DNAH8: variants seen among roughly 807,000 people sequenced by gnomAD.
The protein encoded by DNAH8 is axonemal beta dynein heavy chain 8.
A neutral mutation model predicts 562.1 loss-of-function variants in DNAH8; 382 were observed. The ratio of observed to expected loss-of-function variants is 0.68; its 90% CI spans 0.63 to 0.74. The LOEUF (loss-of-function observed/expected upper bound fraction) is 0.74, where lower values mean the gene tolerates loss of function less well. DNAH8 is among the 30% of genes least tolerant of loss of function. The pLI is 0.00. For synonymous variants in DNAH8, 1,881 were observed against 1,919.4 expected (o/e 0.98, Z 0.52); for missense variants, 5,203 against 5,620.4 (o/e 0.93, Z 2.37).
rs180917255 is a variant in DNAH8 at position 38,886,544 on chromosome 6, T to C, written c.8260-247T>C. Among the ~76,000 whole-genome samples the C allele has an allele frequency of 1.6e-4, 25 of 152,332 alleles. No homozygotes were observed. The East Asian group carries it at 4.6e-3, about 28-fold the overall frequency. On this transcript the variant is annotated intron_variant, in intron 56 of 92. Coordinates refer to ENST00000327475, the MANE Select transcript of DNAH8 (RefSeq NM_001206927.2). ...CTTATAACTCACATATCTAAATTTA[T>C]TTGGAAATTAGTTTGATCAATGTGG...
In DNAH8 at chr6:38,770,518, A is replaced by G. The variant is rs1263958608; in HGVS notation, c.1723A>G (p.Ile575Val). The change falls in exon 12 of 93, where the codon ATA becomes GTA. Residue 575 changes from isoleucine to valine, a missense_variant. Transcript: ENST00000327475. ...ATCTTTTGAGGTTTCAGAAATGTATATATTTGGAAAATTTGAAGCTTTTTG... is the reference window on the plus strand; with the variant it reads ...ATCTTTTGAGGTTTCAGAAATGTATGTATTTGGAAAATTTGAAGCTTTTTG... The part of the protein sequence containing the change: ...EKSFEVSEMY[I>V]FGKFEAFCKR... 2 of 1,604,270 alleles carry G rather than the reference A, an allele frequency of 1.2e-6. No homozygotes were observed. Among genetic ancestry groups the G allele is most frequent in the South Asian group, 1.1e-5 (1 of 88,544 alleles).
intron 21 of DNAH8, among the ~76,000 whole-genome samples, chr6:38,797,654 A>G (rs1426745860): frequency 1.3e-5 from 2 of 152,182 alleles, no homozygotes; most frequent in African/African-American, 4.8e-5. Context: ...GCAAAGTCAT[A>G]AAGTAGATGA....
chr6:38,985,481 CT>C (rs1468531111), intron 87 of DNAH8, among the ~76,000 whole-genome samples: 1 of 152,088 alleles, frequency 6.6e-6, no homozygotes, highest in South Asian at 2.1e-4. Flanking sequence ...GATTTTTAAC[CT>C]TTACTTGTTT....
Position 38,895,985 on chromosome 6 carries a change from A to C in DNAH8, c.8748-48A>C, listed in dbSNP as rs143420059. ...AGGCGAAGGGACATGTTCAGTTAGAAAAGATGCTTTCATATTTAACATTCT... is the reference window on the plus strand; with the variant it reads ...AGGCGAAGGGACATGTTCAGTTAGACAAGATGCTTTCATATTTAACATTCT... On this transcript the variant is annotated intron_variant, in intron 59 of 92. Coordinates refer to ENST00000327475, the MANE Select transcript of DNAH8 (RefSeq NM_001206927.2). 2,341 of 1,525,920 alleles carry C rather than the reference A, an allele frequency of 1.5e-3. 36 individuals are homozygous for C. The African/African-American group carries it at 0.029, about 19-fold the overall frequency. The allele number at this position is 1,525,920 out of a possible 1,614,324, so 94.5% of individuals were successfully genotyped here.
chr6:38,828,341 A>G (rs1399923675), intron 30 of DNAH8, 53 bp downstream of exon 30: 2 of 1,154,714 alleles, frequency 1.7e-6, no homozygotes, highest in African/African-American at 1.6e-5. Context: ...TCTCCAGAAA[A>G]AAAAGGTATT....
intron 21 of DNAH8, among the ~76,000 whole-genome samples, chr6:38,795,828 A>G (rs1448638663): frequency 1.3e-5 from 2 of 152,170 alleles, no homozygotes; most frequent in Non-Finnish European, 2.9e-5. Context: ...ATGTAACATT[A>G]ATTTTTTGAG....
At chr6:38,786,040 G>A (rs1253997720) in intron 17 of DNAH8, among the ~76,000 whole-genome samples, 2 of 152,202 alleles carry the variant, frequency 1.3e-5, no homozygotes, top group African/African-American at 4.8e-5. Context: ...ATTCAAACTA[G>A]CACATGCTTG....
rs1782122584 is a variant in DNAH8, at chr6:38,926,361, C to T, written c.11118+151C>T. ...GTTTTGTAACAGCAATTTGGGGCAA[C>T]AGCTCTGATTCTTTTCTCTCTTTTG... On this transcript the variant is annotated intron_variant, in intron 74 of 92. Coordinates refer to ENST00000327475, the MANE Select transcript of DNAH8 (RefSeq NM_001206927.2). The T allele has an allele frequency of 5.3e-6, 4 of 759,540 alleles. No homozygotes were observed. The South Asian group carries it at 5.8e-5, about 11-fold the overall frequency. The allele number at this position is 759,540 out of a possible 1,614,324, so 47.1% of individuals were successfully genotyped here.
intron 30 of DNAH8, 132 bp from the exon 31 acceptor site, chr6:38,832,190 T>TTATTGCTTGTAATAAA: frequency 1.6e-6 from 1 of 619,912 alleles, no homozygotes; most frequent in East Asian, 2.8e-5. Flanking sequence ...TTAATATATT[T>TTATTGCTTGTAATAAA]TATTACAAGC....
At chr6:38,956,989 AGT>A (rs760844924) in intron 82 of DNAH8, among the ~76,000 whole-genome samples, 11 of 152,316 alleles carry the variant, frequency 7.2e-5, no homozygotes, top group Middle Eastern at 3.4e-3. Flanking sequence ...AGAGACACAG[AGT>A]GGCTTAATGG....
At chr6:38,745,477 C>T (rs1764849510) in intron 8 of DNAH8, among the ~76,000 whole-genome samples, 1 of 152,172 alleles carries the variant, frequency 6.6e-6, no homozygotes, top group Admixed American at 6.6e-5. Context: ...ATGGAAGAGT[C>T]AACCAGGATA....
intron 91 of DNAH8, among the ~76,000 whole-genome samples, chr6:39,019,088 T>C (rs1464133323): frequency 6.6e-6 from 1 of 152,090 alleles, no homozygotes; most frequent in Non-Finnish European, 1.5e-5. Context: ...CTTAAACCTG[T>C]TCAAATACTG....
In DNAH8 at chr6:38,938,862, G is replaced by A. The variant is rs1327868989; in HGVS notation, c.11881G>A (p.Val3961Ile). ...TATTATCGAGTACCTGACATATGAAGTTTTTACATACTCTGTCAGAGGCCT... is the reference window on the plus strand; with the variant it reads ...TATTATCGAGTACCTGACATATGAAATTTTTACATACTCTGTCAGAGGCCT... Reference protein sequence around the residue: ...TNIIEYLTYEVFTYSVRGLYE... With the variant: ...TNIIEYLTYEIFTYSVRGLYE... Residue 3961 changes from valine to isoleucine, a missense_variant, in exon 79 of 93, where the codon GTT becomes ATT. Around this residue, in one of 6 missense-constraint regions of DNAH8, gnomAD observed 1,399 missense variants for 1,518.4 expected, o/e 0.92. Transcript: ENST00000327475. The A allele has an allele frequency of 6.2e-7, 1 of 1,613,272 alleles. No homozygotes were observed. Among genetic ancestry groups the A allele is most frequent in the East Asian group, 2.2e-5 (1 of 44,844 alleles).
intron 10 of DNAH8, among the ~76,000 whole-genome samples, chr6:38,759,340 AACC>A (rs2127605119): frequency 6.6e-6 from 1 of 151,742 alleles, no homozygotes; most frequent in African/African-American, 2.4e-5. Flanking sequence ...CAAACAAACA[AACC>A]ACCACCAACG....
chr6:38,905,824 T>C (rs934758311), intron 62 of DNAH8, among the ~76,000 whole-genome samples: 4 of 152,222 alleles, frequency 2.6e-5, no homozygotes, highest in South Asian at 2.1e-4. Flanking sequence ...TTGGAGCAGG[T>C]ACAGATTATG....
Position 38,896,010 on chromosome 6 carries a change from T to C in DNAH8, c.8748-23T>C, listed in dbSNP as rs1779652211. Reference sequence around the variant, plus strand: ...AAAGATGCTTTCATATTTAACATTCTTACTACTACATTTTCCTTTCAGATT... The same window carrying C: ...AAAGATGCTTTCATATTTAACATTCCTACTACTACATTTTCCTTTCAGATT... On this transcript the variant is annotated intron_variant, in intron 59 of 92. Coordinates refer to ENST00000327475, the MANE Select transcript of DNAH8 (RefSeq NM_001206927.2). 3.8e-6 allele frequency: 6 copies of C among 1,594,454 alleles called. No individual in the cohort carries two copies. The East Asian group carries it at 9.0e-5, about 24-fold the overall frequency.
At chr6:38,776,033 A>T (rs1768030309) in intron 13 of DNAH8, 82 bp downstream of exon 13, 2 of 839,848 alleles carry the variant, frequency 2.4e-6, no homozygotes, top group African/African-American at 1.7e-5. Flanking sequence ...AAATATTCAC[A>T]TGTAGTAAGT....
chr6:38,867,586 T>C (rs1377378755), intron 47 of DNAH8, among the ~76,000 whole-genome samples: 1 of 110,534 alleles, frequency 9.0e-6, no homozygotes, highest in African/African-American at 3.2e-5. Context: ...CTACTAAAAA[T>C]ACAAAAAAAA....
intron 53 of DNAH8, among the ~76,000 whole-genome samples, chr6:38,877,538 G>A (rs4380739): frequency 0.43 from 65,917 of 151,962 alleles, 15,217 homozygotes; most frequent in East Asian, 0.84. Flanking sequence ...GCCATCCTAA[G>A]TAACTACTTT....
Sources: gnomAD v4.1 joint callset for allele counts (sites outside exome capture counted in the v4.1 genomes callset) on GRCh38, gnomAD v4.1.1 for gene constraint, gnomAD v4.1.1 regional missense constraint, MANE v1.5 for transcripts, NCBI Gene and HGNC (gene_info 2026-07-23, HGNC 2026-07-21) for gene names.